Variants in KCNMB2 observed in about 807,000 individuals in gnomAD.
KCNMB2 encodes calcium-activated potassium channel subunit beta-2.
KCNMB2 carries 9 observed loss-of-function variants against 24.5 expected under a neutral mutation model. That is an observed-to-expected ratio of 0.37 (90% CI 0.22 to 0.64). KCNMB2 has a LOEUF of 0.64. KCNMB2 is among the 30% of genes least tolerant of loss of function. The probability of loss-of-function intolerance (pLI) is 0.63; values close to 1 mark genes in which losing one functional copy is unlikely to be tolerated. For missense variants in KCNMB2, 226 were observed against 284.3 expected (o/e 0.79, Z 1.47); for synonymous variants, 109 against 104.4 (o/e 1.04, Z -0.27).
intron 1 of KCNMB2, among the ~76,000 whole-genome samples, chr3:178,804,425 A>G (rs1255952918): frequency 1.3e-5 from 2 of 152,200 alleles, no homozygotes; most frequent in Non-Finnish European, 2.9e-5. Context: ...CAATGACTTC[A>G]GCAGGTTTTA....
intron 1 of KCNMB2, among the ~76,000 whole-genome samples, chr3:178,632,288 C>T (rs1209575630): frequency 1.3e-5 from 2 of 152,160 alleles, no homozygotes; most frequent in East Asian, 3.9e-4. Context: ...TGCTCTCTAT[C>T]CCTGGGATCA....
At chr3:178,657,989 G>A (rs534429577) in intron 1 of KCNMB2, among the ~76,000 whole-genome samples, 68 of 152,306 alleles carry the variant, frequency 4.5e-4, no homozygotes, top group African/African-American at 1.5e-3. Context: ...GGAATCAAGT[G>A]TCAACACAAG....
chr3:178,567,342 T>A (rs1716563361), intron 1 of KCNMB2, among the ~76,000 whole-genome samples: 1 of 152,082 alleles, frequency 6.6e-6, no homozygotes, highest in African/African-American at 2.4e-5. Flanking sequence ...GGGGAGGAAG[T>A]CCTGAGCAAC....
intron 2 of KCNMB2, among the ~76,000 whole-genome samples, chr3:178,808,426 T>C: frequency 6.6e-6 from 1 of 151,992 alleles, no homozygotes; most frequent in East Asian, 1.9e-4. Flanking sequence ...TGTGAAAAAA[T>C]AATAATAAAA....
At chr3:178,783,525 T>C (rs1712962889) in intron 1 of KCNMB2, among the ~76,000 whole-genome samples, 2 of 150,554 alleles carry the variant, frequency 1.3e-5, no homozygotes, top group East Asian at 3.9e-4. Context: ...GTAAGGTGGA[T>C]TCCTAGGTAT....
intron 1 of KCNMB2, among the ~76,000 whole-genome samples, chr3:178,593,760 G>A (rs1717766219): frequency 6.6e-6 from 1 of 151,154 alleles, no homozygotes; most frequent in African/African-American, 2.4e-5. Context: ...CCTTCCAACA[G>A]GTCATCCTTC....
At chr3:178,820,341 A>G (rs1714576960) in intron 2 of KCNMB2, among the ~76,000 whole-genome samples, 1 of 151,894 alleles carries the variant, frequency 6.6e-6, no homozygotes, top group Non-Finnish European at 1.5e-5. Context: ...CTGACATCTC[A>G]CTCAGCTCCC....
intron 1 of KCNMB2, among the ~76,000 whole-genome samples, chr3:178,696,883 GA>G (rs1203359414): frequency 1.3e-5 from 2 of 152,082 alleles, no homozygotes; most frequent in Non-Finnish European, 2.9e-5. Context: ...AATTCAGAAG[GA>G]AGTCATTCAA....
intron 1 of KCNMB2, among the ~76,000 whole-genome samples, chr3:178,806,396 T>C (rs1190961507): frequency 3.9e-5 from 6 of 152,226 alleles, no homozygotes; most frequent in Non-Finnish European, 8.8e-5. Context: ...ATATAGTAGA[T>C]AATATGGTAT....
chr3:178,624,691 T>C (rs1719046514), intron 1 of KCNMB2, among the ~76,000 whole-genome samples: 1 of 150,142 alleles, frequency 6.7e-6, no homozygotes, highest in Admixed American at 6.6e-5. Flanking sequence ...GCCGCTCTTC[T>C]CATTACAGTA....
chr3:178,656,088 G>A (rs765315), intron 1 of KCNMB2, among the ~76,000 whole-genome samples: 1 of 152,030 alleles, frequency 6.6e-6, no homozygotes, highest in African/African-American at 2.4e-5. Context: ...TAATTAAGAC[G>A]TAAACATGAT....
intron 1 of KCNMB2, among the ~76,000 whole-genome samples, chr3:178,614,250 TATATATATATATA>T (rs1560131579): frequency 6.0e-4 from 9 of 14,998 alleles, no homozygotes; most frequent in Middle Eastern, 0.05. Flanking sequence ...GCTAATTTTA[TATATATATATATA>T]TATATATATA....
At chr3:178,732,551 C>T (rs754945065) in intron 1 of KCNMB2, among the ~76,000 whole-genome samples, 2 of 151,976 alleles carry the variant, frequency 1.3e-5, no homozygotes, top group Non-Finnish European at 2.9e-5. Context: ...AAAATGTCCC[C>T]CAAGCATAGT....
At chr3:178,581,433 A>T (rs985371156) in intron 1 of KCNMB2, among the ~76,000 whole-genome samples, 6 of 152,190 alleles carry the variant, frequency 3.9e-5, no homozygotes, top group African/African-American at 1.4e-4. Context: ...AACCTAGGCA[A>T]TACCATTCAG....
chr3:178,698,387 G>A (rs975017544), intron 1 of KCNMB2, among the ~76,000 whole-genome samples: 1 of 152,138 alleles, frequency 6.6e-6, no homozygotes, highest in Non-Finnish European at 1.5e-5. Context: ...CGCTATGAGA[G>A]TGTTTCCTCC....
In KCNMB2 at chr3:178,632,538, G is replaced by A. The variant is rs376064248; in HGVS notation, c.-68+95827G>A. 6.6e-5 allele frequency among the ~76,000 whole-genome samples: 10 copies of A among 152,252 alleles called. No individual in the cohort carries two copies. The East Asian group carries it at 1.4e-3, about 21-fold the overall frequency. Reference sequence around the variant, plus strand: ...CACTTATAAAGCCATCAGATCTTTTGAGAGCTTACTATCATGAGAACAGCA... The same window carrying A: ...CACTTATAAAGCCATCAGATCTTTTAAGAGCTTACTATCATGAGAACAGCA... On this transcript the variant is annotated intron_variant, in intron 1 of 4. Coordinates refer to ENST00000452583, the MANE Select transcript of KCNMB2 (RefSeq NM_181361.3).
intron 1 of KCNMB2, among the ~76,000 whole-genome samples, chr3:178,653,385 C>T (rs1433646729): frequency 6.6e-6 from 1 of 151,978 alleles, no homozygotes; most frequent in Admixed American, 6.6e-5. Flanking sequence ...CAAATAATAA[C>T]AATTCTGTCT....
intron 1 of KCNMB2, among the ~76,000 whole-genome samples, chr3:178,561,177 T>G (rs1716302720): frequency 6.6e-6 from 1 of 152,174 alleles, no homozygotes; most frequent in Non-Finnish European, 1.5e-5. Context: ...CCATAAAATT[T>G]TAGTCATAAG....
intron 1 of KCNMB2, among the ~76,000 whole-genome samples, chr3:178,743,279 A>C (rs981427151): frequency 2.0e-5 from 3 of 152,154 alleles, no homozygotes; most frequent in African/African-American, 7.2e-5. Context: ...TGGTACACAT[A>C]AATTTATATT....
Sources: gnomAD v4.1 joint callset for allele counts (sites outside exome capture counted in the v4.1 genomes callset) on GRCh38, gnomAD v4.1.1 for gene constraint, MANE v1.5 for transcripts, NCBI Gene and HGNC (gene_info 2026-07-23, HGNC 2026-07-21) for gene names.